SETX: variants seen among roughly 807,000 people sequenced by gnomAD.
The protein encoded by SETX is senataxin, also known as helicase senataxin.
In SETX, 90 loss-of-function variants were observed where a neutral mutation model predicts 227.2. The ratio of observed to expected loss-of-function variants is 0.40; its 90% confidence interval spans 0.33 to 0.47. The LOEUF is 0.47. Among genes scored for constraint, SETX ranks in the 20% least tolerant of loss-of-function variants. SETX has a pLI of 0.91. For missense variants in SETX, 3,052 were observed against 3,181.5 expected (o/e 0.96, Z 0.98); for synonymous variants, 1,210 against 1,113.2 (o/e 1.09, Z -1.73).
intron 4 of SETX, 42 bp from the exon 5 acceptor site, chr9:132,342,841 C>T: frequency 7.1e-7 from 1 of 1,401,778 alleles, no homozygotes; most frequent in Non-Finnish European, 1.0e-6. Context: ...ATCTTATCAC[C>T]TTATCAAGAT....
chr9:132,269,293 G>A, intron 25 of SETX: 1 of 680,394 alleles, frequency 1.5e-6, no homozygotes, highest in East Asian at 6.2e-5. Flanking sequence ...CACATTTACT[G>A]AGTGTTTACT....
chr9:132,266,036 C>T (rs1158262580), intron 25 of SETX: 4 of 152,128 alleles, frequency 2.6e-5, no homozygotes, highest in African/African-American at 9.7e-5. Context: ...CCTCTCTTCC[C>T]GAGTTTCTTC....
At chr9:132,283,101 TTAAGGAGTA>T in intron 19 of SETX, 154 bp downstream of exon 19, 1 of 861,786 alleles carries the variant, frequency 1.2e-6, no homozygotes, top group Non-Finnish European at 1.8e-6. Flanking sequence ...TGGAGGGTCA[TTAAGGAGTA>T]TATTTCTACA....
At chr9:132,318,525 G>C (rs1438252857) in intron 10 of SETX, among the ~76,000 whole-genome samples, 1 of 152,156 alleles carries the variant, frequency 6.6e-6, no homozygotes, top group East Asian at 1.9e-4. Flanking sequence ...GTAGGGTAGA[G>C]AGTCATGGGG....
chr9:132,335,189 G>A lies in SETX; in HGVS notation c.719-462C>T, dbSNP rs201764665. 8.6e-5 allele frequency among the ~76,000 whole-genome samples: 13 copies of A among 151,880 alleles called. No homozygotes were observed. In the East Asian group the frequency reaches 1.6e-3, roughly 18 times the overall value. On this transcript the variant is annotated intron_variant, in intron 6 of 25. Transcript: ENST00000224140. ...GCAGATCACAAAGTCAGGAGATCGA[G>A]ACCATCCTGGCTAACATGGTGAAAC...
intron 11 of SETX, 82 bp from the exon 12 acceptor site, chr9:132,300,885 C>A (rs1844955150): frequency 1.5e-6 from 2 of 1,332,108 alleles, no homozygotes; most frequent in African/African-American, 3.0e-5. Flanking sequence ...AAATTAAATC[C>A]TTGTATTAAG....
intron 12 of SETX, among the ~76,000 whole-genome samples, chr9:132,298,570 G>A (rs1373692286): frequency 6.6e-6 from 1 of 152,144 alleles, no homozygotes; most frequent in African/African-American, 2.4e-5. Context: ...CACACAAAGG[G>A]AGGAAGTGAT....
At position 132,346,345 on chromosome 9, in the gene SETX, T is replaced by G. The variant is rs770962447; in HGVS notation, c.304A>C (p.Thr102Pro). The G allele has an allele frequency of 6.2e-7, 1 of 1,614,022 alleles. No homozygotes were observed. Residue 102 changes from threonine to proline, a missense_variant, in exon 4 of 26, where the codon ACT becomes CCT. This residue lies in a region of SETX where 152 missense variants were observed against 156.2 expected (regional missense o/e 0.97). Transcript: ENST00000224140. ...NNGEMPLFDITGQDFENKLRV... is the reference protein window; with the variant it reads ...NNGEMPLFDIPGQDFENKLRV... ...AGCTTATTTTCAAAGTCTTGCCCAGTGATGTCAAACAGTGGCATCTCTCCA... is the reference window on the plus strand; with the variant it reads ...AGCTTATTTTCAAAGTCTTGCCCAGGGATGTCAAACAGTGGCATCTCTCCA...
At chr9:132,303,140 C>T (rs984603176) in intron 11 of SETX, among the ~76,000 whole-genome samples, 4 of 152,012 alleles carry the variant, frequency 2.6e-5, no homozygotes, top group Non-Finnish European at 5.9e-5. Flanking sequence ...GCCTCAGCCT[C>T]CCATGTCACT....
intron 23 of SETX, among the ~76,000 whole-genome samples, chr9:132,272,266 G>A (rs1393216198): frequency 6.6e-6 from 1 of 152,008 alleles, no homozygotes; most frequent in Non-Finnish European, 1.5e-5. Context: ...CCTGAGCTCC[G>A]TCTCAGCCTC....
At position 132,264,188 on chromosome 9, in the gene SETX, A is replaced by G; in HGVS notation, c.*51T>C. 6.2e-7 allele frequency: 1 copy of G among 1,611,728 alleles called. No individual in the cohort carries two copies. Among genetic ancestry groups the G allele is most frequent in the South Asian group, 1.1e-5 (1 of 91,046 alleles). On this transcript the variant is annotated 3_prime_UTR_variant, in exon 26 of 26. Coordinates refer to ENST00000224140, the MANE Select transcript of SETX (RefSeq NM_015046.7). Reference sequence around the variant, plus strand: ...ATCTAGATGGTCCCACGAGCTGGTCATCTTCAGTTTACAATATGCTGTGGC... The same window carrying G: ...ATCTAGATGGTCCCACGAGCTGGTCGTCTTCAGTTTACAATATGCTGTGGC...
At chr9:132,316,821 A>G (rs1295622092) in intron 10 of SETX, among the ~76,000 whole-genome samples, 2 of 152,220 alleles carry the variant, frequency 1.3e-5, no homozygotes, top group Non-Finnish European at 2.9e-5. Context: ...TGTGTCTATT[A>G]CTATGGCTTT....
intron 10 of SETX, among the ~76,000 whole-genome samples, chr9:132,320,535 A>C (rs1846254098): frequency 7.2e-6 from 1 of 139,180 alleles, no homozygotes; most frequent in Non-Finnish European, 1.5e-5. Flanking sequence ...CAGAGCTTGC[A>C]GTGAGCCAAG....
rs1207937357 is a variant in SETX, at chr9:132,329,087, G to C, written c.2511C>G (p.Phe837Leu). The change falls in exon 10 of 26, where the codon TTC (phenylalanine) becomes TTG (leucine). Residue 837 changes from phenylalanine (F) to leucine (L), a missense_variant. By Grantham distance (22) the Phe-to-Leu change is conservative. Around this residue, in one of 10 missense-constraint regions of SETX, gnomAD observed 1,483 missense variants for 1,312.0 expected, o/e 1.13. Coordinates refer to ENST00000224140, the MANE Select transcript of SETX (RefSeq NM_015046.7). The part of the protein sequence containing the change: ...KDTGVQKGDG[F>L]IHNLSLDPSG... ...TAGGGTCTAAAGAAAGATTGTGTATGAAACCATCTCCTTTCTGAACTCCTG... is the reference window on the plus strand; with the variant it reads ...TAGGGTCTAAAGAAAGATTGTGTATCAAACCATCTCCTTTCTGAACTCCTG... The C allele has an allele frequency of 6.2e-7, 1 of 1,610,240 alleles. No homozygotes were observed. The highest frequency in any genetic ancestry group is 1.3e-5 in the African/African-American group (1 of 74,974).
At chr9:132,285,946 A>C (rs545447649) in intron 18 of SETX, among the ~76,000 whole-genome samples, 41 of 150,618 alleles carry the variant, frequency 2.7e-4, no homozygotes, top group African/African-American at 9.5e-4. Context: ...ACTTTGAGGG[A>C]GGCTGAGGCA....
In SETX at chr9:132,302,681, C is replaced by CAAAAAAA. The variant is rs57673567; in HGVS notation, c.5375-1885_5375-1879dup. On this transcript the variant is annotated intron_variant, in intron 11 of 25. Transcript: ENST00000224140. Reference sequence around the variant, plus strand: ...GTCTCAAAAAAAAAAAAAAAAAAAGCAAAAAAAAAAAAAAAAACCAGCAGG... The same window carrying CAAAAAAA: ...GTCTCAAAAAAAAAAAAAAAAAAAGCAAAAAAAAAAAAAAAAAAAAAAAACCAGCAGG... Among the ~76,000 whole-genome samples the CAAAAAAA allele has an allele frequency of 1.8e-4, 14 of 78,516 alleles. 1 individual carries two copies. Among genetic ancestry groups the CAAAAAAA allele is most frequent in the Non-Finnish European group, 3.2e-4 (11 of 34,530 alleles). The allele number at this position is 78,516 out of a possible 152,430, so 51.5% of individuals were successfully genotyped here.
chr9:132,349,193 ACTTACTCT>A, intron 3 of SETX, 51 bp downstream of exon 3: 1 of 1,517,974 alleles, frequency 6.6e-7, no homozygotes, highest in East Asian at 2.3e-5. Flanking sequence ...CGGAGTTCAA[ACTTACTCT>A]CTTCCCAGCT....
chr9:132,268,062 AACTGT>A (rs1842730951), intron 25 of SETX, among the ~76,000 whole-genome samples: 1 of 152,258 alleles, frequency 6.6e-6, no homozygotes, highest in Non-Finnish European at 1.5e-5. Flanking sequence ...TGTTTTGCTC[AACTGT>A]ACAAATAAGT....
intron 11 of SETX, among the ~76,000 whole-genome samples, chr9:132,305,970 TATAGGAACTCTACTAA>T (rs1209941647): frequency 6.6e-6 from 1 of 152,234 alleles, no homozygotes; most frequent in African/African-American, 2.4e-5. Flanking sequence ...TGGTGAAGGT[TATAGGAACTCTACTAA>T]TTTTGCAATT....
Sources: allele counts gnomAD v4.1 joint callset (sites outside exome capture counted in the v4.1 genomes callset), GRCh38; gene constraint gnomAD v4.1.1; regional missense constraint gnomAD v4.1.1; transcripts MANE v1.5; gene names NCBI Gene and HGNC (gene_info 2026-07-23, HGNC 2026-07-21).